MYOM3: variants seen among roughly 807,000 people sequenced by gnomAD.
MYOM3 encodes myomesin 3.
A neutral mutation model predicts 191.7 loss-of-function variants in MYOM3; 155 were observed. The ratio of observed to expected loss-of-function variants is 0.81; its 90% CI spans 0.71 to 0.92. MYOM3 has a LOEUF of 0.92. Among genes scored for constraint, MYOM3 ranks in the 40% least tolerant of loss-of-function variants. The probability of loss-of-function intolerance (pLI) is 0.00; values close to 1 mark genes in which losing one functional copy is unlikely to be tolerated. For missense variants in MYOM3, 1,889 were observed against 1,890.6 expected (o/e 1.00, Z 0.02); for synonymous variants, 757 against 762.9 (o/e 0.99, Z 0.13).
At chr1:24,061,889 G>T in intron 33 of MYOM3, 57 bp downstream of exon 33, 2 of 1,598,144 alleles carry the variant, frequency 1.3e-6, no homozygotes, top group South Asian at 2.2e-5. Context: ...AGTGTGCCCA[G>T]ACTGTCCATG....
At chr1:24,086,899 A>G in intron 14 of MYOM3, 72 bp from the exon 15 acceptor site, 2 of 1,476,554 alleles carry the variant, frequency 1.4e-6, no homozygotes, top group Non-Finnish European at 1.9e-6. Context: ...ACCTCCCATG[A>G]TCTCTGTCCC....
intron 25 of MYOM3, among the ~76,000 whole-genome samples, chr1:24,069,067 G>A (rs1445958236): frequency 6.6e-6 from 1 of 152,040 alleles, no homozygotes; most frequent in Non-Finnish European, 1.5e-5. Context: ...CCCCATTGGC[G>A]TGTGTAAAGG....
In MYOM3 at chr1:24,107,998, C is replaced by T. The variant is rs757744515; in HGVS notation, c.237G>A (p.Leu79=). ...GGGAAGCTTCTCTGACTCACCAAGA[C>T]AGCTCGGAGGAGGCCGTCAGAGCCA... ...AALALTASSE[L]SWEAQLRRQT... is the part of the protein sequence containing the mutation. Residue 79 remains leucine (L), a synonymous_variant, in exon 3 of 37, where the codon CTG becomes CTA. Transcript: ENST00000374434. 3.1e-6 allele frequency: 5 copies of T among 1,613,472 alleles called. No individual in the cohort carries two copies. The highest frequency in any genetic ancestry group is 4.2e-6 in the Non-Finnish European group (5 of 1,179,744).
chr1:24,071,839 C>G (rs1343659589), intron 24 of MYOM3, 130 bp downstream of exon 24: 5 of 950,874 alleles, frequency 5.3e-6, no homozygotes, highest in Non-Finnish European at 8.6e-6. Flanking sequence ...CCTTCTAGCT[C>G]TGTGATTCTC....
chr1:24,066,736 G>T, intron 28 of MYOM3: 1 of 449,914 alleles, frequency 2.2e-6, no homozygotes, highest in Non-Finnish European at 3.9e-6. Context: ...ATAAACCCTC[G>T]TGGGCTCCTA....
Position 24,076,181 on chromosome 1 carries a change from G to C in MYOM3, c.2679C>G (p.Pro893=), listed in dbSNP as rs528961807. Reference sequence around the variant, plus strand: ...TACCTGGCTTGTCCTCCAGGAGCACGGGATCAGTGGGCATGGACGGTTGCC... The same window carrying C: ...TACCTGGCTTGTCCTCCAGGAGCACCGGATCAGTGGGCATGGACGGTTGCC... ...GLGQPSMPTD[P]VLLEDKPGAH... Residue 893 remains proline (P), a synonymous_variant, in exon 21 of 37, where the codon CCC becomes CCG. Transcript: ENST00000374434. 1.2e-5 allele frequency: 20 copies of C among 1,614,100 alleles called. No homozygotes were observed. The East Asian group carries it at 2.5e-4, about 20-fold the overall frequency.
At chr1:24,081,724 A>C in intron 18 of MYOM3, 1 of 582,680 alleles carries the variant, frequency 1.7e-6, no homozygotes, top group Non-Finnish European at 3.0e-6. Flanking sequence ...CACCACACTC[A>C]GCTAATTTTT....
At chr1:24,108,227 TC>T in intron 2 of MYOM3, 154 bp from the exon 3 acceptor site, 1 of 751,874 alleles carries the variant, frequency 1.3e-6, no homozygotes, top group South Asian at 1.9e-5. Flanking sequence ...CAAGGCTGCA[TC>T]CCCCCGACCC....
At position 24,072,003 on chromosome 1, in the gene MYOM3, C is replaced by T; in HGVS notation, c.2979G>A (p.Lys993=). 1.2e-6 allele frequency: 2 copies of T among 1,614,154 alleles called. No homozygotes were observed. The highest frequency in any genetic ancestry group is 1.7e-6 in the Non-Finnish European group (2 of 1,180,022). The change falls in exon 24 of 37, where the codon AAG becomes AAA. Residue 993 remains lysine (K), a synonymous_variant. Coordinates refer to ENST00000374434, the MANE Select transcript of MYOM3 (RefSeq NM_152372.4). The part of the protein sequence containing the change: ...SHTLTEEELE[K]LKKLSHEIRN... ...TGATCTCATGACTCAGCTTCTTCAG[C>T]TTCTCCAGCTCTGGGATAGGGGGAA...
chr1:24,109,671 C>A (rs1026584109), intron 1 of MYOM3, among the ~76,000 whole-genome samples: 4 of 152,228 alleles, frequency 2.6e-5, no homozygotes, highest in Non-Finnish European at 4.4e-5. Flanking sequence ...CCAGTCCCTG[C>A]AATAACCCAA....
chr1:24,096,107 C>A (rs1250098400), intron 7 of MYOM3, among the ~76,000 whole-genome samples: 1 of 152,198 alleles, frequency 6.6e-6, no homozygotes. Context: ...GAGGCACAGC[C>A]GTCCAGACAA....
chr1:24,064,240 C>G, intron 29 of MYOM3, 81 bp from the exon 30 acceptor site: 1 of 1,089,686 alleles, frequency 9.2e-7, no homozygotes, highest in Non-Finnish European at 1.4e-6. Context: ...GGCCTGGGCT[C>G]CAGGCCTGCC....
intron 30 of MYOM3, 58 bp downstream of exon 30, chr1:24,064,014 A>G: frequency 7.8e-7 from 1 of 1,276,278 alleles, no homozygotes; most frequent in Non-Finnish European, 1.1e-6. Context: ...CACAGATCAC[A>G]TCACAGTCTG....
At chr1:24,081,608 G>T in intron 18 of MYOM3, 152 bp from the exon 19 acceptor site, 1 of 909,792 alleles carries the variant, frequency 1.1e-6, no homozygotes. Flanking sequence ...TGTCACCCAG[G>T]CTGGAGTGCA....
intron 29 of MYOM3, chr1:24,064,393 G>T: frequency 2.0e-6 from 1 of 509,746 alleles, no homozygotes. Context: ...GCCTGGGGAA[G>T]GGGTGGAGTA....
At chr1:24,106,888 A>G (rs1379203290) in intron 4 of MYOM3, among the ~76,000 whole-genome samples, 185 bp downstream of exon 4, 2 of 152,234 alleles carry the variant, frequency 1.3e-5, no homozygotes, top group Non-Finnish European at 2.9e-5. Context: ...AGATGAGAAC[A>G]CTGAGGCTCA....
At chr1:24,081,285 G>A (rs1429499394) in intron 19 of MYOM3, 45 bp downstream of exon 19, 1 of 1,608,576 alleles carries the variant, frequency 6.2e-7, no homozygotes, top group African/African-American at 1.3e-5. Context: ...GGTTTGGGAA[G>A]GAGGGAAGGG....
chr1:24,092,073 G>A (rs1643845759), intron 11 of MYOM3, 101 bp downstream of exon 11: 3 of 1,181,558 alleles, frequency 2.5e-6, no homozygotes, highest in Admixed American at 3.1e-5. Flanking sequence ...GGGGTGTGAG[G>A]GTTCTCTGAG....
intron 30 of MYOM3, 64 bp downstream of exon 30, chr1:24,064,008 G>T: frequency 8.2e-7 from 1 of 1,213,072 alleles, no homozygotes; most frequent in Non-Finnish European, 1.2e-6. Context: ...TTACTGCACA[G>T]ATCACATCAC....
Sources: gnomAD v4.1 joint callset for allele counts (sites outside exome capture counted in the v4.1 genomes callset) on GRCh38, gnomAD v4.1.1 for gene constraint, MANE v1.5 for transcripts, NCBI Gene and HGNC (gene_info 2026-07-23, HGNC 2026-07-21) for gene names.